SGCD: variants seen among roughly 807,000 people sequenced by gnomAD.
The protein encoded by SGCD is delta-sarcoglycan.
Under a neutral mutation model 36.6 loss-of-function variants are expected in SGCD, and 18 were observed. The observed-to-expected ratio is 0.49, with a 90% CI of 0.34 to 0.73. SGCD has a LOEUF of 0.73. Among genes scored for constraint, SGCD ranks in the 30% least tolerant of loss-of-function variants. The probability of loss-of-function intolerance (pLI) is 0.01; values close to 1 mark genes in which losing one functional copy is unlikely to be tolerated. For synonymous variants in SGCD, 133 were observed against 130.6 expected (o/e 1.02, Z -0.12); for missense variants, 387 against 346.7 (o/e 1.12, Z -0.92).
intron 3 of SGCD, among the ~76,000 whole-genome samples, chr5:156,425,726 C>G (rs1377313111): frequency 6.6e-6 from 1 of 151,904 alleles, no homozygotes; most frequent in African/African-American, 2.4e-5. Flanking sequence ...CACGCTTCCC[C>G]CCGAGTCCCT....
intron 3 of SGCD, among the ~76,000 whole-genome samples, chr5:156,291,841 C>T (rs1766765158): frequency 6.6e-6 from 1 of 151,946 alleles, no homozygotes; most frequent in Non-Finnish European, 1.5e-5. Flanking sequence ...TATGCATTAC[C>T]TTATATGCTT....
Position 155,994,121 on chromosome 5 carries a change from C to T in SGCD, c.-282+123697C>T, listed in dbSNP as rs549269494. On this transcript the variant is annotated intron_variant, in intron 1 of 9. Coordinates refer to the SGCD transcript ENST00000517913. ...ACAGAATACAGCAGAAAGGACCCTC[C>T]CACACTAGAGGCATGCCACAGACAT... Among the ~76,000 whole-genome samples, 11 of 152,256 alleles carry T rather than the reference C, an allele frequency of 7.2e-5. No homozygotes were observed. In the East Asian group the frequency reaches 1.9e-3, roughly 27 times the overall value.
At chr5:156,254,236 A>T (rs1234676058) in intron 3 of SGCD, among the ~76,000 whole-genome samples, 3 of 152,156 alleles carry the variant, frequency 2.0e-5, no homozygotes, top group African/African-American at 7.2e-5. Flanking sequence ...ACATTTTTAA[A>T]AATTATACTT....
intron 6 of SGCD, among the ~76,000 whole-genome samples, chr5:156,608,357 A>T (rs113954092): frequency 3.3e-5 from 5 of 151,980 alleles, no homozygotes; most frequent in African/African-American, 9.7e-5. Flanking sequence ...AGCGGTTTTG[A>T]GTGCGTTTCT....
At position 156,687,309 on chromosome 5, in the gene SGCD, G is replaced by A. The variant is rs556548802; in HGVS notation, c.575+39773G>A. Among the ~76,000 whole-genome samples the A allele has an allele frequency of 2.6e-5, 4 of 152,170 alleles. No individual in the cohort carries two copies. The South Asian group carries it at 8.3e-4, about 32-fold the overall frequency. ...GGGGGGCTCAGATTGGGATGGAGGC[G>A]GTCTAAAAATCAGCAGAATTAAAAA... On this transcript the variant is annotated intron_variant, in intron 7 of 8. Coordinates refer to ENST00000337851, the MANE Select transcript of SGCD (RefSeq NM_000337.6).
intron 3 of SGCD, among the ~76,000 whole-genome samples, chr5:156,319,886 C>T (rs1046387908): frequency 2.0e-5 from 3 of 152,210 alleles, no homozygotes; most frequent in African/African-American, 7.2e-5. Flanking sequence ...GTTATTTTCT[C>T]TGCAATCCAT....
intron 3 of SGCD, among the ~76,000 whole-genome samples, chr5:156,480,974 C>T (rs544264460): frequency 2.6e-5 from 4 of 152,208 alleles, no homozygotes; most frequent in South Asian, 2.1e-4. Context: ...ATTCCAGGAG[C>T]GAGTTCCAAC....
the SGCD span, among the ~76,000 whole-genome samples, chr5:155,773,610 A>T: frequency 2.5e-3 from 385 of 152,296 alleles, 1 homozygote; most frequent in African/African-American, 8.1e-3. Context: ...ATTTGGGAAG[A>T]CGGATATGTG....
At chr5:155,955,149 C>A (rs562143762) in intron 1 of SGCD, among the ~76,000 whole-genome samples, 19 of 152,154 alleles carry the variant, frequency 1.2e-4, no homozygotes, top group African/African-American at 4.6e-4. Context: ...TCTACTGATT[C>A]AGAAGTTAAT....
chr5:156,631,094 T>C (rs1036894710), intron 6 of SGCD, among the ~76,000 whole-genome samples: 2 of 152,176 alleles, frequency 1.3e-5, no homozygotes, highest in Non-Finnish European at 2.9e-5. Flanking sequence ...TAGATCACTA[T>C]GTAAAATAAT....
chr5:155,926,613 A>G (rs978656428), intron 1 of SGCD, among the ~76,000 whole-genome samples: 1 of 152,240 alleles, frequency 6.6e-6, no homozygotes. Flanking sequence ...AAGAAATTAG[A>G]TAAGTAGAAA....
At chr5:156,677,180 A>T (rs919311635) in intron 7 of SGCD, among the ~76,000 whole-genome samples, 1 of 152,228 alleles carries the variant, frequency 6.6e-6, no homozygotes, top group Non-Finnish European at 1.5e-5. Context: ...TACCCAAAGG[A>T]TTATAAATCA....
the SGCD span, among the ~76,000 whole-genome samples, chr5:155,796,984 T>G: frequency 2.6e-5 from 4 of 152,056 alleles, no homozygotes; most frequent in African/African-American, 9.7e-5. Context: ...AGAAGTTGTT[T>G]CTTTACAAAG....
At position 155,952,150 on chromosome 5, in the gene SGCD, A is replaced by C. The variant is rs181207482; in HGVS notation, c.-282+81726A>C. Among the ~76,000 whole-genome samples the C allele has an allele frequency of 2.1e-3, 325 of 152,196 alleles. 4 individuals carry two copies. Among genetic ancestry groups the C allele is most frequent in the African/African-American group, 7.4e-3 (309 of 41,522 alleles). ...TTGCCTCTGATCTTGGGGTGTATAG[A>C]TTCATAAAATTTGTGCTGGAGTTTC... On this transcript the variant is annotated intron_variant, in intron 1 of 9. Coordinates refer to the SGCD transcript ENST00000517913.
At chr5:155,999,894 G>A (rs1452065915) in intron 1 of SGCD, among the ~76,000 whole-genome samples, 1 of 152,164 alleles carries the variant, frequency 6.6e-6, no homozygotes, top group Non-Finnish European at 1.5e-5. Context: ...TGAGGCAAAA[G>A]TACAAATGGA....
At chr5:156,429,591 A>G (rs921396032) in intron 3 of SGCD, among the ~76,000 whole-genome samples, 2 of 148,710 alleles carry the variant, frequency 1.3e-5, no homozygotes, top group African/African-American at 2.5e-5. Flanking sequence ...TTTTTTTTTA[A>G]TTGTGTTTTG....
the SGCD span, among the ~76,000 whole-genome samples, chr5:155,743,265 A>G: frequency 6.6e-6 from 1 of 152,220 alleles, no homozygotes; most frequent in East Asian, 1.9e-4. Context: ...CCAGGAGCAC[A>G]ACAAAGTCTC....
At chr5:156,179,514 G>A (rs189121737) in intron 3 of SGCD, among the ~76,000 whole-genome samples, 2 of 151,968 alleles carry the variant, frequency 1.3e-5, no homozygotes, top group African/African-American at 2.4e-5. Flanking sequence ...GTCAAATGAT[G>A]TGCATATGAT....
intron 1 of SGCD, among the ~76,000 whole-genome samples, chr5:155,881,455 T>TA (rs1431111058): frequency 5.9e-5 from 9 of 152,162 alleles, no homozygotes; most frequent in East Asian, 1.9e-4. Context: ...ATACCTTAAT[T>TA]AAAAAATACT....
Sources: allele counts gnomAD v4.1 joint callset (sites outside exome capture counted in the v4.1 genomes callset), GRCh38; gene constraint gnomAD v4.1.1; transcripts MANE v1.5; gene names NCBI Gene and HGNC (gene_info 2026-07-23, HGNC 2026-07-21).